The following MSI2 variants were observed in gnomAD, a reference collection of about 807,000 sequenced individuals.
MSI2 encodes musashi RNA binding protein 2.
In MSI2, 17 loss-of-function variants were observed where a neutral mutation model predicts 45.6. The ratio of observed to expected loss-of-function variants is 0.37; its 90% CI spans 0.26 to 0.56. The LOEUF (loss-of-function observed/expected upper bound fraction) is 0.56, where lower values mean the gene tolerates loss of function less well. Ranked by LOEUF, MSI2 falls within the 20% of genes least tolerant of loss-of-function variation. The probability of loss-of-function intolerance (pLI) is 0.77; values close to 1 mark genes in which losing one functional copy is unlikely to be tolerated. For missense variants in MSI2, 293 were observed against 444.2 expected (o/e 0.66, Z 3.06); for synonymous variants, 156 against 158.2 (o/e 0.99, Z 0.11).
At chr17:57,347,913 G>A (rs559750957) in intron 5 of MSI2, among the ~76,000 whole-genome samples, 5 of 152,320 alleles carry the variant, frequency 3.3e-5, no homozygotes, top group African/African-American at 4.8e-5. Flanking sequence ...GCCAGGCCCT[G>A]GGCTGACTAT....
chr17:57,503,174 A>T (rs1027099245), intron 6 of MSI2, among the ~76,000 whole-genome samples: 4 of 152,204 alleles, frequency 2.6e-5, no homozygotes, highest in African/African-American at 9.7e-5. Context: ...ATACGAGTCC[A>T]AGGAATGAAA....
At chr17:57,270,295 T>C (rs1280675394) in intron 5 of MSI2, among the ~76,000 whole-genome samples, 1 of 152,190 alleles carries the variant, frequency 6.6e-6, no homozygotes, top group Non-Finnish European at 1.5e-5. Context: ...GTGGGTAAAC[T>C]GGGGCCTGAG....
chr17:57,605,173 T>C (rs781402959), intron 8 of MSI2, among the ~76,000 whole-genome samples: 1 of 152,156 alleles, frequency 6.6e-6, no homozygotes, highest in Non-Finnish European at 1.5e-5. Flanking sequence ...ATGAATCTGG[T>C]GTTTACGTGG....
At chr17:57,290,322 T>C (rs1023464520) in intron 5 of MSI2, among the ~76,000 whole-genome samples, 2 of 152,204 alleles carry the variant, frequency 1.3e-5, no homozygotes, top group Non-Finnish European at 2.9e-5. Context: ...TTAGTTTTTC[T>C]TTTTAGAGAC....
At chr17:57,672,695 C>T (rs1044796457) in intron 11 of MSI2, among the ~76,000 whole-genome samples, 12 of 152,320 alleles carry the variant, frequency 7.9e-5, no homozygotes, top group East Asian at 1.9e-4. Flanking sequence ...TAAAATGGAA[C>T]GGGCTAATTA....
chr17:57,454,470 C>T (rs2085076861), intron 6 of MSI2, among the ~76,000 whole-genome samples: 1 of 141,482 alleles, frequency 7.1e-6, no homozygotes, highest in South Asian at 2.2e-4. Flanking sequence ...TGGATTCTCG[C>T]TCTGTCTCCA....
downstream of MSI2, among the ~76,000 whole-genome samples, chr17:57,688,696 G>A (rs1913929471): frequency 6.6e-6 from 1 of 152,128 alleles, no homozygotes; most frequent in South Asian, 2.1e-4. Context: ...AGATACATAT[G>A]TGTATATACA....
At chr17:57,282,609 C>T (rs923508941) in intron 5 of MSI2, among the ~76,000 whole-genome samples, 27 of 152,020 alleles carry the variant, frequency 1.8e-4, no homozygotes, top group Admixed American at 1.2e-3. Flanking sequence ...CTTCCTCTCC[C>T]TGTTCTGTTT....
chr17:57,670,777 G>C (rs1912717003), intron 11 of MSI2, among the ~76,000 whole-genome samples: 1 of 152,174 alleles, frequency 6.6e-6, no homozygotes, highest in Non-Finnish European at 1.5e-5. Context: ...TCCTAAATCT[G>C]CATGTGGTAC....
intron 10 of MSI2, among the ~76,000 whole-genome samples, chr17:57,648,485 A>G (rs1018612163): frequency 2.0e-5 from 3 of 152,180 alleles, no homozygotes; most frequent in Non-Finnish European, 4.4e-5. Context: ...GAACCCAGAC[A>G]GGCTCCAGGT....
intron 4 of MSI2, among the ~76,000 whole-genome samples, chr17:57,261,755 G>A (rs2143183894): frequency 6.6e-6 from 1 of 152,224 alleles, no homozygotes; most frequent in East Asian, 1.9e-4. Flanking sequence ...TTAATTTTCA[G>A]GTTATGATTT....
At chr17:57,435,665 G>A (rs76529191) in intron 6 of MSI2, among the ~76,000 whole-genome samples, 1,546 of 152,208 alleles carry the variant, frequency 0.01, 15 homozygotes, top group Non-Finnish European at 0.017. Context: ...TTAGAAAATC[G>A]TTTCTGCACA....
intron 5 of MSI2, chr17:57,278,723 A>C (rs924404723): frequency 6.5e-6 from 1 of 153,836 alleles, no homozygotes; most frequent in African/African-American, 2.4e-5. Flanking sequence ...CATGTGCAGG[A>C]TGTGCAGGTT....
chr17:57,463,834 T>C (rs2085277785), intron 6 of MSI2, among the ~76,000 whole-genome samples: 1 of 152,088 alleles, frequency 6.6e-6, no homozygotes, highest in African/African-American at 2.4e-5. Flanking sequence ...CTCTATATTA[T>C]CCAACCAGCA....
chr17:57,355,447 G>A (rs892198536), intron 5 of MSI2, among the ~76,000 whole-genome samples: 4 of 152,202 alleles, frequency 2.6e-5, no homozygotes, highest in Non-Finnish European at 5.9e-5. Context: ...AGACACAACA[G>A]TGTATGTCCA....
chr17:57,679,171 A>G (rs1026117979), intron 13 of MSI2, among the ~76,000 whole-genome samples: 23 of 152,150 alleles, frequency 1.5e-4, no homozygotes, highest in Non-Finnish European at 3.1e-4. Context: ...TTTAGCTTTG[A>G]AAACAGAAGT....
In MSI2 at chr17:57,421,798, A is replaced by G. The variant is rs186641490; in HGVS notation, c.405+20327A>G. Among the ~76,000 whole-genome samples, 887 of 152,302 alleles carry G rather than the reference A, an allele frequency of 5.8e-3. 4 individuals are homozygous for G. Among genetic ancestry groups the G allele is most frequent in the African/African-American group, 0.02 (825 of 41,564 alleles). On this transcript the variant is annotated intron_variant, in intron 6 of 13. Transcript: ENST00000284073. ...CTTGAGCCCAGGAGTTCGAGGCTGC[A>G]GTGAGCTATGATTGTACCACTGCAC... is the stretch of plus-strand genomic sequence containing the variant.
intron 7 of MSI2, among the ~76,000 whole-genome samples, chr17:57,575,959 A>AG (rs2088032737): frequency 2.0e-5 from 3 of 151,470 alleles, no homozygotes; most frequent in Non-Finnish European, 1.5e-5. Context: ...AAAAAAAAAA[A>AG]AAAAAAAAAA....
At chr17:57,385,780 T>A (rs1411415299) in intron 5 of MSI2, among the ~76,000 whole-genome samples, 2 of 152,248 alleles carry the variant, frequency 1.3e-5, no homozygotes, top group Non-Finnish European at 2.9e-5. Flanking sequence ...CTGGTCTGAC[T>A]TCTGTGTTAT....
Sources: gnomAD v4.1 joint callset for allele counts (sites outside exome capture counted in the v4.1 genomes callset) on GRCh38, gnomAD v4.1.1 for gene constraint, MANE v1.5 for transcripts, NCBI Gene and HGNC (gene_info 2026-07-23, HGNC 2026-07-21) for gene names.